Variants in SCFD2 observed in about 807,000 individuals in gnomAD.
SCFD2 encodes sec1 family domain-containing protein 2.
A neutral mutation model predicts 58.9 loss-of-function variants in SCFD2; 54 were observed. That is an observed-to-expected ratio of 0.92 (90% confidence interval 0.74 to 1.15). The LOEUF is 1.15. SCFD2 is among the 50% of genes most tolerant of loss of function. The probability of loss-of-function intolerance (pLI) is 0.00; values close to 1 mark genes in which losing one functional copy is unlikely to be tolerated. For missense variants in SCFD2, 805 were observed against 836.6 expected, an observed-to-expected ratio of 0.96 and a Z score of 0.47; for synonymous variants, 321 against 335.9, an observed-to-expected ratio of 0.96 and a Z score of 0.49.
intron 4 of SCFD2, among the ~76,000 whole-genome samples, chr4:53,149,005 T>A (rs7659857): frequency 0.076 from 11,565 of 152,006 alleles, 797 homozygotes; most frequent in South Asian, 0.2. Context: ...CTAAAAAAAT[T>A]TTTTTTTAAT....
intron 3 of SCFD2, among the ~76,000 whole-genome samples, chr4:53,297,314 G>A (rs1286057207): frequency 3.9e-5 from 6 of 152,094 alleles, no homozygotes; most frequent in Admixed American, 1.3e-4. Context: ...TTATGAATCT[G>A]GGTGCTCCTA....
At chr4:52,961,966 C>T (rs991898946) in intron 5 of SCFD2, among the ~76,000 whole-genome samples, 1 of 152,188 alleles carries the variant, frequency 6.6e-6, no homozygotes, top group Non-Finnish European at 1.5e-5. Flanking sequence ...TGTGAAAGAA[C>T]TGACCCCACG....
intron 5 of SCFD2, among the ~76,000 whole-genome samples, chr4:53,000,091 A>T (rs567590510): frequency 3.4e-4 from 52 of 152,320 alleles, no homozygotes; most frequent in African/African-American, 1.3e-3. Flanking sequence ...GATGCTCACT[A>T]AATGGTGGGA....
chr4:53,008,013 T>A (rs1210351471), intron 5 of SCFD2, among the ~76,000 whole-genome samples: 1 of 152,130 alleles, frequency 6.6e-6, no homozygotes, highest in African/African-American at 2.4e-5. Context: ...GGAAGGTGGG[T>A]ACATCAGTCA....
rs1210955777 is a variant in SCFD2 at position 53,365,123 on chromosome 4, G to C, written c.819C>G (p.Asp273Glu). 6.2e-7 allele frequency: 1 copy of C among 1,614,152 alleles called. No homozygotes were observed. The highest frequency in any genetic ancestry group is 2.2e-5 in the East Asian group (1 of 44,892). The change falls in exon 1 of 9, where the codon GAC (aspartate) becomes GAG (glutamate). Residue 273 changes from aspartate to glutamate, a missense_variant. Physicochemically the swap from Asp to Glu is conservative, Grantham distance 45. This residue lies in a region of SCFD2 where 633 missense variants were observed against 646.8 expected (regional missense o/e 0.98). Transcript: ENST00000401642. This position sits in a 1 kb window ranked among gnomAD's most constrained non-coding sequence, Gnocchi z 4.3. Reference sequence around the variant, plus strand: ...ACTTACCTGTGAGATCCAGGGTTCTGTCCACAAAAACCACTGATGCCCTGC... The same window carrying C: ...ACTTACCTGTGAGATCCAGGGTTCTCTCCACAAAAACCACTGATGCCCTGC... ...AAGRASVVFVDRTLDLTGAVG... is the reference protein window; with the variant it reads ...AAGRASVVFVERTLDLTGAVG...
intron 5 of SCFD2, among the ~76,000 whole-genome samples, chr4:52,993,499 G>A (rs186381439): frequency 7.9e-5 from 12 of 152,302 alleles, no homozygotes; most frequent in Admixed American, 5.9e-4. Context: ...GGCTCACTAG[G>A]ATGCATATCT....
intron 4 of SCFD2, among the ~76,000 whole-genome samples, chr4:53,200,631 G>A (rs1385842912): frequency 4.6e-5 from 7 of 151,982 alleles, no homozygotes; most frequent in East Asian, 1.9e-4. Flanking sequence ...CGCTTGTCTC[G>A]TAACTGAAAA....
rs76675665 is a variant in SCFD2 at position 53,170,667 on chromosome 4, G to A, written c.1312-25085C>T. On this transcript the variant is annotated intron_variant, in intron 4 of 8. Transcript: ENST00000401642. ...ATATTAATTCTTCCAATACATGAGCGTGAAATAATTTTCCATTTATTTGAG... is the reference window on the plus strand; with the variant it reads ...ATATTAATTCTTCCAATACATGAGCATGAAATAATTTTCCATTTATTTGAG... Among the ~76,000 whole-genome samples, 137 of 152,174 alleles carry A rather than the reference G, an allele frequency of 9.0e-4. No individual in the cohort carries two copies. In the East Asian group the frequency reaches 0.018, roughly 20 times the overall value.
chr4:53,209,785 C>A (rs974489870), intron 4 of SCFD2, among the ~76,000 whole-genome samples: 17 of 150,526 alleles, frequency 1.1e-4, no homozygotes, highest in African/African-American at 4.2e-4. Context: ...AAAAAAAATA[C>A]AAAATTGGAA....
At chr4:53,224,404 A>ACGG (rs55877546) in intron 4 of SCFD2, among the ~76,000 whole-genome samples, 1 of 146,458 alleles carries the variant, frequency 6.8e-6, no homozygotes. Flanking sequence ...AAAAAAAAAA[A>ACGG]GAGTCTTACA....
chr4:53,152,142 T>C (rs189084416), intron 4 of SCFD2, among the ~76,000 whole-genome samples: 8 of 152,344 alleles, frequency 5.3e-5, no homozygotes, highest in African/African-American at 1.4e-4. Flanking sequence ...GTTCATCTGA[T>C]GTAATTAACA....
At chr4:53,239,732 TC>T (rs1204708403) in intron 4 of SCFD2, among the ~76,000 whole-genome samples, 2 of 152,146 alleles carry the variant, frequency 1.3e-5, no homozygotes, top group Non-Finnish European at 2.9e-5. Flanking sequence ...GATCCCAGCC[TC>T]CCAAAGTGCT....
chr4:52,990,602 T>C (rs1721594018), intron 5 of SCFD2, among the ~76,000 whole-genome samples: 1 of 152,172 alleles, frequency 6.6e-6, no homozygotes. Flanking sequence ...GGAAGAATCA[T>C]GTAAAGTACA....
intron 5 of SCFD2, among the ~76,000 whole-genome samples, chr4:53,012,355 T>TTCTC (rs71195197): frequency 2.7e-3 from 393 of 146,050 alleles, no homozygotes; most frequent in Non-Finnish European, 3.9e-3. Flanking sequence ...CTCTCTCTCT[T>TTCTC]TCTCTCTCTC....
intron 4 of SCFD2, among the ~76,000 whole-genome samples, chr4:53,252,704 C>T (rs901045220): frequency 1.3e-5 from 2 of 152,174 alleles, no homozygotes; most frequent in Non-Finnish European, 2.9e-5. Flanking sequence ...GAAACTGGAT[C>T]CTTTCCTTAC....
intron 4 of SCFD2, among the ~76,000 whole-genome samples, chr4:53,217,920 A>G (rs188079148): frequency 1.3e-5 from 2 of 152,328 alleles, no homozygotes; most frequent in East Asian, 3.9e-4. Flanking sequence ...TTGGCTGGAT[A>G]TGAAATTCTG....
At chr4:53,097,028 T>C (rs1724670884) in intron 5 of SCFD2, among the ~76,000 whole-genome samples, 1 of 152,224 alleles carries the variant, frequency 6.6e-6, no homozygotes, top group East Asian at 1.9e-4. Flanking sequence ...TGGTTGTAGA[T>C]GTGTGGTATT....
intron 5 of SCFD2, among the ~76,000 whole-genome samples, chr4:52,972,149 C>G (rs1421446680): frequency 6.6e-6 from 1 of 152,174 alleles, no homozygotes; most frequent in Non-Finnish European, 1.5e-5. Context: ...ATGACAGGAT[C>G]AAATTCACAT....
intron 5 of SCFD2, among the ~76,000 whole-genome samples, chr4:52,963,969 A>C (rs941346298): frequency 6.6e-6 from 1 of 152,236 alleles, no homozygotes; most frequent in African/African-American, 2.4e-5. Flanking sequence ...AGAATGAAGG[A>C]CTAGTCATAC....
Sources: allele counts gnomAD v4.1 joint callset (sites outside exome capture counted in the v4.1 genomes callset), GRCh38; gene constraint gnomAD v4.1.1; regional missense constraint gnomAD v4.1.1; non-coding constraint Gnocchi (gnomAD v3.1); transcripts MANE v1.5; gene names NCBI Gene and HGNC (gene_info 2026-07-23, HGNC 2026-07-21).